Variants in LRRTM4 observed in about 807,000 individuals in gnomAD.
LRRTM4 encodes leucine rich repeat transmembrane neuronal 4, also known as leucine-rich repeat transmembrane neuronal protein 4.
A neutral mutation model predicts 47.6 loss-of-function variants in LRRTM4; 25 were observed. The ratio of observed to expected loss-of-function variants is 0.53; its 90% CI spans 0.38 to 0.73. LRRTM4 has a LOEUF of 0.73. Among genes scored for constraint, LRRTM4 ranks in the 30% least tolerant of loss-of-function variants. The pLI is 0.00. For missense variants in LRRTM4, 638 were observed against 713.4 expected (o/e 0.89, Z 1.20); for synonymous variants, 311 against 269.5 (o/e 1.15, Z -1.51).
At chr2:77,165,082 G>T (rs1230899143) in intron 3 of LRRTM4, among the ~76,000 whole-genome samples, 1 of 151,834 alleles carries the variant, frequency 6.6e-6, no homozygotes, top group Non-Finnish European at 1.5e-5. Flanking sequence ...TAATAAAGAA[G>T]AAAATAGAGA....
chr2:76,749,989 G>T (rs571222049), intron 3 of LRRTM4, among the ~76,000 whole-genome samples: 177 of 152,242 alleles, frequency 1.2e-3, no homozygotes, highest in Non-Finnish European at 2.1e-3. Flanking sequence ...TTGCTTTTAG[G>T]ATGCTGAGGT....
intron 3 of LRRTM4, among the ~76,000 whole-genome samples, chr2:77,263,112 C>A (rs1573163420): frequency 6.6e-6 from 1 of 152,116 alleles, no homozygotes; most frequent in East Asian, 1.9e-4. Flanking sequence ...ATCAATCATA[C>A]CTAAGTAATA....
intron 3 of LRRTM4, among the ~76,000 whole-genome samples, chr2:76,950,734 A>C (rs796150349): frequency 1.3e-5 from 2 of 152,020 alleles, no homozygotes; most frequent in South Asian, 4.1e-4. Flanking sequence ...GAAATAGTGA[A>C]ATCTGATCTA....
At chr2:76,966,022 T>C (rs1219142548) in intron 3 of LRRTM4, among the ~76,000 whole-genome samples, 1 of 151,294 alleles carries the variant, frequency 6.6e-6, no homozygotes, top group Non-Finnish European at 1.5e-5. Context: ...GTGGCAAGAG[T>C]TGGCTACAAA....
Position 76,873,977 on chromosome 2 carries a change from G to A in LRRTM4, c.1552-125061C>T, listed in dbSNP as rs1672710188. ...ATCAAATCATATTTATTGTAAACCAGATTTAATAAAAATTTTTGGAGTCCA... is the reference window on the plus strand; with the variant it reads ...ATCAAATCATATTTATTGTAAACCAAATTTAATAAAAATTTTTGGAGTCCA... On this transcript the variant is annotated intron_variant, in intron 3 of 3. Transcript: ENST00000409884. 2.0e-5 allele frequency among the ~76,000 whole-genome samples: 3 copies of A among 151,824 alleles called. No homozygotes were observed. The South Asian group carries it at 6.2e-4, about 32-fold the overall frequency.
chr2:77,303,753 C>A (rs1677201038), intron 3 of LRRTM4, among the ~76,000 whole-genome samples: 1 of 152,164 alleles, frequency 6.6e-6, no homozygotes, highest in African/African-American at 2.4e-5. Context: ...ATAATGTTCT[C>A]CAGATTCACT....
At chr2:77,453,652 A>G (rs993146227) in intron 3 of LRRTM4, among the ~76,000 whole-genome samples, 5 of 152,128 alleles carry the variant, frequency 3.3e-5, no homozygotes, top group South Asian at 2.1e-4. Flanking sequence ...TAATATTTCT[A>G]TCTAAAGTAA....
intron 3 of LRRTM4, among the ~76,000 whole-genome samples, chr2:77,318,083 T>C (rs1384663556): frequency 1.4e-5 from 2 of 139,762 alleles, no homozygotes; most frequent in African/African-American, 5.3e-5. Context: ...CTTGGCTCAC[T>C]ACAAGCTCCG....
chr2:77,172,916 T>G (rs1298408406), intron 3 of LRRTM4, among the ~76,000 whole-genome samples: 1 of 152,156 alleles, frequency 6.6e-6, no homozygotes, highest in Non-Finnish European at 1.5e-5. Context: ...TTTATGCTTC[T>G]CAACAAAGGC....
chr2:77,014,430 C>T (rs555587739), intron 3 of LRRTM4, among the ~76,000 whole-genome samples: 114 of 151,522 alleles, frequency 7.5e-4, no homozygotes, highest in Middle Eastern at 3.2e-3. Flanking sequence ...ATCATCTCGT[C>T]CCTCTTGTCC....
chr2:77,280,283 G>T lies in LRRTM4; in HGVS notation c.1551+238035C>A, dbSNP rs771716131. Among the ~76,000 whole-genome samples, 4 of 152,058 alleles carry T rather than the reference G, an allele frequency of 2.6e-5. No individual in the cohort carries two copies. The East Asian group carries it at 7.7e-4, about 29-fold the overall frequency. On this transcript the variant is annotated intron_variant, in intron 3 of 3. Transcript: ENST00000409884. ...ATCAGATTGTCCCCTAGAGCCTCCCGAAGAAATGTGGACTTACTCACAACT... is the reference window on the plus strand; with the variant it reads ...ATCAGATTGTCCCCTAGAGCCTCCCTAAGAAATGTGGACTTACTCACAACT...
At chr2:77,293,399 A>T (rs1371091701) in intron 3 of LRRTM4, among the ~76,000 whole-genome samples, 1 of 152,104 alleles carries the variant, frequency 6.6e-6, no homozygotes, top group Non-Finnish European at 1.5e-5. Flanking sequence ...AAATCCAGGA[A>T]ATGGGGTAAA....
In LRRTM4 at chr2:76,893,776, T is replaced by C. The variant is rs537129515; in HGVS notation, c.1552-144860A>G. ...ATTGCATCCTGCCCTTCTTATATTT[T>C]ACAAAAATCAGAGACTCATCTATGT... On this transcript the variant is annotated intron_variant, in intron 3 of 3. Transcript: ENST00000409884. 5.9e-4 allele frequency among the ~76,000 whole-genome samples: 89 copies of C among 151,940 alleles called. 1 individual carries two copies. The highest frequency in any genetic ancestry group is 1.8e-3 in the Admixed American group (27 of 15,210).
At chr2:77,155,533 TA>T (rs1293544763) in intron 3 of LRRTM4, among the ~76,000 whole-genome samples, 1 of 151,698 alleles carries the variant, frequency 6.6e-6, no homozygotes, top group African/African-American at 2.4e-5. Flanking sequence ...AATTCTGTTA[TA>T]AACACATAGA....
intron 3 of LRRTM4, among the ~76,000 whole-genome samples, chr2:77,106,748 C>G (rs1335630518): frequency 6.6e-6 from 1 of 151,662 alleles, no homozygotes; most frequent in Non-Finnish European, 1.5e-5. Flanking sequence ...AAGGGAATTC[C>G]AAGAGGCTGC....
chr2:77,373,275 T>A (rs147551878), intron 3 of LRRTM4, among the ~76,000 whole-genome samples: 1 of 151,410 alleles, frequency 6.6e-6, no homozygotes, highest in African/African-American at 2.4e-5. Context: ...ATAAACAGAT[T>A]GTGAAAGAAG....
At chr2:77,362,170 A>AAAGAAAGAAAGC in intron 3 of LRRTM4, among the ~76,000 whole-genome samples, 1 of 133,630 alleles carries the variant, frequency 7.5e-6, no homozygotes, top group South Asian at 2.4e-4. Flanking sequence ...AGAAAGAAAG[A>AAAGAAAGAAAGC]AAGGAAGGAA....
intron 3 of LRRTM4, chr2:77,517,105 G>C (rs1055269942): frequency 1.0e-6 from 1 of 984,984 alleles, no homozygotes; most frequent in Non-Finnish European, 1.2e-6. Flanking sequence ...GTCAGTCTTT[G>C]CACATAATGA....
At chr2:77,145,899 A>T (rs1441930101) in intron 3 of LRRTM4, among the ~76,000 whole-genome samples, 1 of 152,152 alleles carries the variant, frequency 6.6e-6, no homozygotes, top group Non-Finnish European at 1.5e-5. Context: ...ATGTGTTTCA[A>T]AGATTATTAT....
Sources: allele counts gnomAD v4.1 joint callset (sites outside exome capture counted in the v4.1 genomes callset), GRCh38; gene constraint gnomAD v4.1.1; transcripts MANE v1.5; gene names NCBI Gene and HGNC (gene_info 2026-07-23, HGNC 2026-07-21).